Variants in DNAH11 observed in about 807,000 individuals in gnomAD.
DNAH11 encodes the protein dynein axonemal heavy chain 11.
DNAH11 carries 442 observed loss-of-function variants against 526.0 expected under a neutral mutation model. The observed-to-expected ratio is 0.84, with a 90% CI of 0.78 to 0.91. The LOEUF (loss-of-function observed/expected upper bound fraction) is 0.91, where lower values mean the gene tolerates loss of function less well. Ranked by LOEUF, DNAH11 falls within the 40% of genes least tolerant of loss-of-function variation. DNAH11 has a pLI of 0.00. For missense variants in DNAH11, 6,989 were observed against 5,448.7 expected (o/e 1.28, Z -8.90); for synonymous variants, 2,461 against 1,935.9 (o/e 1.27, Z -7.12).
chr7:21,661,322 T>C (rs1562736398), intron 30 of DNAH11, among the ~76,000 whole-genome samples: 1 of 152,054 alleles, frequency 6.6e-6, no homozygotes, highest in Non-Finnish European at 1.5e-5. Context: ...TTCCCTTCTT[T>C]CTATAGAATA....
At chr7:21,753,042 G>T (rs1427240680) in intron 54 of DNAH11, among the ~76,000 whole-genome samples, 1 of 152,176 alleles carries the variant, frequency 6.6e-6, no homozygotes, top group Non-Finnish European at 1.5e-5. Flanking sequence ...TTGAGCTACA[G>T]TAAGAGAAAA....
chr7:21,675,145 C>A (rs75111211), intron 30 of DNAH11, among the ~76,000 whole-genome samples: 1 of 152,182 alleles, frequency 6.6e-6, no homozygotes, highest in Non-Finnish European at 1.5e-5. Flanking sequence ...ACACAAATCT[C>A]ATTATCACCC....
At chr7:21,556,172 G>A (rs895819378) in intron 2 of DNAH11, among the ~76,000 whole-genome samples, 2 of 152,066 alleles carry the variant, frequency 1.3e-5, no homozygotes, top group Non-Finnish European at 2.9e-5. Flanking sequence ...CTTAAGTTTC[G>A]ATTTTCCAAC....
intron 54 of DNAH11, among the ~76,000 whole-genome samples, chr7:21,754,033 T>C (rs1275994187): frequency 6.6e-6 from 1 of 152,238 alleles, no homozygotes; most frequent in Non-Finnish European, 1.5e-5. Context: ...TCTCTTATAG[T>C]TTATAATAGT....
chr7:21,779,911 C>G (rs552557303), intron 57 of DNAH11, among the ~76,000 whole-genome samples: 1 of 152,102 alleles, frequency 6.6e-6, no homozygotes, highest in Non-Finnish European at 1.5e-5. Context: ...TGCTAACATT[C>G]TCACAGCCAT....
chr7:21,641,717 TACA>T (rs1161762043), intron 28 of DNAH11, among the ~76,000 whole-genome samples: 2 of 152,222 alleles, frequency 1.3e-5, no homozygotes, highest in Admixed American at 6.5e-5. Flanking sequence ...AAAAATTTTT[TACA>T]ACATGACTTC....
At chr7:21,675,493 T>C (rs1047292891) in intron 30 of DNAH11, among the ~76,000 whole-genome samples, 1 of 152,238 alleles carries the variant, frequency 6.6e-6, no homozygotes, top group Non-Finnish European at 1.5e-5. Context: ...TATTTCTGTG[T>C]GCTGTCAGCA....
intron 14 of DNAH11, among the ~76,000 whole-genome samples, chr7:21,595,480 A>G (rs530993693): frequency 1.3e-5 from 2 of 152,360 alleles, no homozygotes; most frequent in African/African-American, 2.4e-5. Flanking sequence ...TGGAGCAAAC[A>G]GAGTTTCCCA....
chr7:21,598,520 C>G (rs534238182), intron 14 of DNAH11, among the ~76,000 whole-genome samples: 51 of 152,204 alleles, frequency 3.4e-4, no homozygotes, highest in Non-Finnish European at 6.6e-4. Context: ...GAGCTTAGAA[C>G]TTCCCTAGTC....
intron 73 of DNAH11, among the ~76,000 whole-genome samples, chr7:21,869,460 T>C (rs1783415606): frequency 6.7e-6 from 1 of 150,338 alleles, no homozygotes; most frequent in Admixed American, 6.6e-5. Context: ...ACAGACACAT[T>C]GAAGGGTGGG....
rs2128431820 is a variant in DNAH11 at position 21,560,935 on chromosome 7, A to C, written c.883-136A>C. The C allele has an allele frequency of 4.8e-6, 3 of 624,310 alleles. No homozygotes were observed. In the East Asian group the frequency reaches 9.3e-5, roughly 19 times the overall value. The allele number at this position is 624,310 out of a possible 1,614,324, so 38.7% of individuals were successfully genotyped here. A position where few individuals can be genotyped will look rare whatever the true frequency, so the allele number is the denominator to read the frequency against. Reference sequence around the variant, plus strand: ...TTTTTAAAATTATTTTCAACTGGAAACCAGATATAACTTTGAGTGTTAAAT... The same window carrying C: ...TTTTTAAAATTATTTTCAACTGGAACCCAGATATAACTTTGAGTGTTAAAT... On this transcript the variant is annotated intron_variant, in intron 4 of 81. Transcript: ENST00000409508.
At chr7:21,797,157 G>C (rs915971130) in intron 61 of DNAH11, among the ~76,000 whole-genome samples, 2 of 151,860 alleles carry the variant, frequency 1.3e-5, no homozygotes, top group Middle Eastern at 3.4e-3. Flanking sequence ...AAATATTTTG[G>C]AAACTTAATC....
intron 14 of DNAH11, among the ~76,000 whole-genome samples, chr7:21,598,168 A>C (rs1039024924): frequency 1.3e-5 from 2 of 152,222 alleles, no homozygotes; most frequent in African/African-American, 4.8e-5. Context: ...AGTATAGTCC[A>C]CCTTACAATC....
intron 28 of DNAH11, among the ~76,000 whole-genome samples, chr7:21,653,215 G>A (rs866916852): frequency 6.6e-6 from 1 of 152,078 alleles, no homozygotes; most frequent in Non-Finnish European, 1.5e-5. Flanking sequence ...AGGCCTTTCC[G>A]AACAGCTCAC....
At chr7:21,597,544 G>C in intron 14 of DNAH11, among the ~76,000 whole-genome samples, 1 of 152,158 alleles carries the variant, frequency 6.6e-6, no homozygotes, top group Non-Finnish European at 1.5e-5. Flanking sequence ...GAAGGCAAAG[G>C]GGAAGCAAGG....
At chr7:21,556,812 A>C (rs1399801502) in intron 2 of DNAH11, among the ~76,000 whole-genome samples, 1 of 152,126 alleles carries the variant, frequency 6.6e-6, no homozygotes, top group Admixed American at 6.5e-5. Flanking sequence ...CTGTAGTCCT[A>C]CCACTTTGGG....
rs115960065 is a variant in DNAH11 at position 21,858,539 on chromosome 7, G to C, written c.11203-3314G>C. On this transcript the variant is annotated intron_variant, in intron 68 of 81. Transcript: ENST00000409508. Reference sequence around the variant, plus strand: ...AGTGGGCTATTACTCAAAACATAAAGGTATGAATTGTTGGTACACACAACA... The same window carrying C: ...AGTGGGCTATTACTCAAAACATAAACGTATGAATTGTTGGTACACACAACA... 6.1e-3 allele frequency among the ~76,000 whole-genome samples: 928 copies of C among 152,186 alleles called. 7 individuals carry two copies. Among genetic ancestry groups the C allele is most frequent in the African/African-American group, 0.021 (870 of 41,508 alleles).
At chr7:21,771,888 T>G (rs2127977922) in intron 55 of DNAH11, among the ~76,000 whole-genome samples, 1 of 151,876 alleles carries the variant, frequency 6.6e-6, no homozygotes. Flanking sequence ...TGGAGATAAA[T>G]GAATGGCAGA....
rs748025401 is a variant in DNAH11, at chr7:21,901,277, CCTCTGCTGGAGTGCAGTGAGGATTT to C, written c.*24_*48del. 2 of 1,592,070 alleles carry C rather than the reference CCTCTGCTGGAGTGCAGTGAGGATTT, an allele frequency of 1.3e-6. No homozygotes were observed. Among genetic ancestry groups the C allele is most frequent in the Admixed American group, 1.7e-5 (1 of 58,026 alleles). On this transcript the variant is annotated 3_prime_UTR_variant, in exon 82 of 82. Coordinates refer to ENST00000409508, the MANE Select transcript of DNAH11 (RefSeq NM_001277115.2). ...TAAGGTAACACTGGCATTCCTCTAG[CCTCTGCTGGAGTGCAGTGAGGATTT>C]TCTAGCATGTTGCTGCACTGTTCCC...
Sources: allele counts gnomAD v4.1 joint callset (sites outside exome capture counted in the v4.1 genomes callset), GRCh38; gene constraint gnomAD v4.1.1; transcripts MANE v1.5; gene names NCBI Gene and HGNC (gene_info 2026-07-23, HGNC 2026-07-21).